Variants in PIK3C2G observed in about 807,000 individuals in gnomAD.
PIK3C2G encodes phosphatidylinositol 3-kinase C2 domain-containing subunit gamma.
Under a neutral mutation model 181.1 loss-of-function variants are expected in PIK3C2G, and 168 were observed. The ratio of observed to expected loss-of-function variants is 0.93; its 90% CI spans 0.82 to 1.05. The LOEUF (loss-of-function observed/expected upper bound fraction) is 1.05. Among genes scored for constraint, PIK3C2G ranks in the 50% least tolerant of loss-of-function variants. The pLI is 0.00. For synonymous variants in PIK3C2G, 573 were observed against 592.2 expected (o/e 0.97, Z 0.47); for missense variants, 1,869 against 1,732.8 (o/e 1.08, Z -1.40).
At chr12:18,652,149 A>G (rs1950545954), downstream of PIK3C2G, among the ~76,000 whole-genome samples, 1 of 152,128 alleles carries the variant, frequency 6.6e-6, no homozygotes, top group Admixed American at 6.6e-5. Flanking sequence ...GTACCTCAGA[A>G]TGTGAACTTA....
chr12:18,299,786 A>G (rs558559398), intron 5 of PIK3C2G, among the ~76,000 whole-genome samples: 12 of 151,940 alleles, frequency 7.9e-5, no homozygotes, highest in Non-Finnish European at 1.0e-4. Flanking sequence ...ACCTATTGAG[A>G]TGAGCATTTG....
chr12:18,674,842 G>C, the PIK3C2G span, among the ~76,000 whole-genome samples: 1 of 152,204 alleles, frequency 6.6e-6, no homozygotes, highest in Non-Finnish European at 1.5e-5. Flanking sequence ...CTCTGCTCTT[G>C]TCCGCTTAGA....
chr12:18,537,847 C>T (rs1364673718), intron 24 of PIK3C2G, among the ~76,000 whole-genome samples: 3 of 151,966 alleles, frequency 2.0e-5, no homozygotes, highest in South Asian at 4.1e-4. Context: ...ATCAGCTTCA[C>T]TATGAATTGG....
At chr12:18,683,886 A>G in the PIK3C2G span, among the ~76,000 whole-genome samples, 1 of 151,986 alleles carries the variant, frequency 6.6e-6, no homozygotes, top group Non-Finnish European at 1.5e-5. Context: ...GGATGCATGT[A>G]AAGAAATGCT....
chr12:18,343,580 C>T (rs1279456675), intron 10 of PIK3C2G, among the ~76,000 whole-genome samples: 3 of 151,616 alleles, frequency 2.0e-5, no homozygotes, highest in African/African-American at 7.3e-5. Flanking sequence ...TCTGCACTCT[C>T]TAAACTTTTA....
chr12:18,585,354 C>A (rs1946713203), intron 29 of PIK3C2G, among the ~76,000 whole-genome samples: 1 of 145,066 alleles, frequency 6.9e-6, no homozygotes, highest in East Asian at 2.0e-4. Flanking sequence ...ATCCACCAAG[C>A]AAATGGAAAT....
chr12:18,337,430 AT>A (rs1483281292), intron 8 of PIK3C2G, among the ~76,000 whole-genome samples: 1 of 152,110 alleles, frequency 6.6e-6, no homozygotes, highest in African/African-American at 2.4e-5. Context: ...GTATTGGGCC[AT>A]TTTTGTGTTG....
intron 24 of PIK3C2G, among the ~76,000 whole-genome samples, chr12:18,536,508 G>T (rs76812443): frequency 0.011 from 1,732 of 152,168 alleles, 15 homozygotes; most frequent in Non-Finnish European, 0.019. Flanking sequence ...TTTGAAACCT[G>T]GTTCACAGGC....
intron 9 of PIK3C2G, among the ~76,000 whole-genome samples, chr12:18,340,570 A>C (rs1388653442): frequency 6.6e-6 from 1 of 152,134 alleles, no homozygotes; most frequent in Non-Finnish European, 1.5e-5. Flanking sequence ...AGCAGTTATT[A>C]CTCTTAAATT....
chr12:18,397,107 T>C (rs368606407), intron 15 of PIK3C2G, among the ~76,000 whole-genome samples: 1 of 152,024 alleles, frequency 6.6e-6, no homozygotes, highest in African/African-American at 2.4e-5. Flanking sequence ...GTAGATAGAA[T>C]AGAAAGCCAG....
At chr12:18,528,190 T>C (rs996778875) in intron 24 of PIK3C2G, among the ~76,000 whole-genome samples, 3 of 152,152 alleles carry the variant, frequency 2.0e-5, no homozygotes, top group African/African-American at 4.8e-5. Flanking sequence ...AACTCATGGA[T>C]ATTAGACAAG....
At chr12:18,350,940 A>G (rs1940161285) in intron 11 of PIK3C2G, among the ~76,000 whole-genome samples, 1 of 152,318 alleles carries the variant, frequency 6.6e-6, no homozygotes, top group Non-Finnish European at 1.5e-5. Flanking sequence ...GGAAGGATAT[A>G]GGAGTGAGCA....
chr12:18,609,590 T>C lies in PIK3C2G; in HGVS notation c.4143T>C (p.Asp1381=), dbSNP rs537772119. The C allele has an allele frequency of 4.2e-5, 66 of 1,587,624 alleles. 1 individual carries two copies. The South Asian group carries it at 6.9e-4, about 17-fold the overall frequency. Residue 1381 remains aspartate (D), a synonymous_variant, in exon 31 of 33, where the codon GAT becomes GAC. Transcript: ENST00000538779. Reference sequence around the variant, plus strand: ...TGCAGTTAGTCATATCCTACGAGGATGTGAAGCTGACCATACTAGTGAAAC... The same window carrying C: ...TGCAGTTAGTCATATCCTACGAGGACGTGAAGCTGACCATACTAGTGAAAC... The part of the protein sequence containing the change: ...PKVQLVISYE[D]VKLTILVKHM...
intron 24 of PIK3C2G, among the ~76,000 whole-genome samples, chr12:18,529,953 T>A (rs1299805951): frequency 6.6e-6 from 1 of 152,182 alleles, no homozygotes; most frequent in Non-Finnish European, 1.5e-5. Context: ...CTGTTGTCTC[T>A]GTTCTATGCA....
chr12:18,489,618 T>A (rs1490008348), intron 19 of PIK3C2G, among the ~76,000 whole-genome samples: 1 of 152,114 alleles, frequency 6.6e-6, no homozygotes, highest in Non-Finnish European at 1.5e-5. Context: ...TAGACTCCAG[T>A]ACACAGAGGA....
At chr12:18,475,742 T>C (rs1020580340) in intron 18 of PIK3C2G, among the ~76,000 whole-genome samples, 11 of 152,144 alleles carry the variant, frequency 7.2e-5, no homozygotes, top group Non-Finnish European at 1.0e-4. Flanking sequence ...TAAATATATT[T>C]TAAGTATATG....
At chr12:18,333,909 C>A (rs962295679) in intron 8 of PIK3C2G, among the ~76,000 whole-genome samples, 2 of 152,108 alleles carry the variant, frequency 1.3e-5, no homozygotes, top group Non-Finnish European at 2.9e-5. Flanking sequence ...GGAGAATAAT[C>A]AACCACTTAT....
chr12:18,654,127 A>G, the PIK3C2G span, among the ~76,000 whole-genome samples: 1 of 152,144 alleles, frequency 6.6e-6, no homozygotes, highest in African/African-American at 2.4e-5. Flanking sequence ...TGGGATCTCA[A>G]AACACAGACT....
intron 24 of PIK3C2G, among the ~76,000 whole-genome samples, chr12:18,535,562 C>A (rs1391715277): frequency 6.6e-6 from 1 of 151,884 alleles, no homozygotes; most frequent in Non-Finnish European, 1.5e-5. Context: ...TTAATTTGAT[C>A]CATCATAATT....
Sources: allele counts gnomAD v4.1 joint callset (sites outside exome capture counted in the v4.1 genomes callset), GRCh38; gene constraint gnomAD v4.1.1; transcripts MANE v1.5; gene names NCBI Gene and HGNC (gene_info 2026-07-23, HGNC 2026-07-21).